Variants in NUDC observed in about 807,000 individuals in gnomAD.
The protein encoded by NUDC is nuclear distribution C, dynein complex regulator, also known as nuclear migration protein nudC.
A neutral mutation model predicts 45.0 loss-of-function variants in NUDC; 14 were observed. The ratio of observed to expected loss-of-function variants is 0.31; its 90% CI spans 0.21 to 0.49. The LOEUF (loss-of-function observed/expected upper bound fraction) is 0.49, where lower values mean the gene tolerates loss of function less well. NUDC is among the 20% of genes least tolerant of loss of function. NUDC has a pLI of 0.99. For synonymous variants in NUDC, 153 were observed against 156.7 expected, an observed-to-expected ratio of 0.98 and a Z score of 0.17; for missense variants, 323 against 426.2, an observed-to-expected ratio of 0.76 and a Z score of 2.13.
intron 6 of NUDC, 47 bp downstream of exon 6, chr1:26,943,112 A>G (rs1179295944): frequency 6.3e-7 from 1 of 1,598,012 alleles, no homozygotes; most frequent in Admixed American, 1.7e-5. Flanking sequence ...ATGGAAGTAG[A>G]AGGGAGGATG....
At chr1:26,934,198 C>G (rs1326533304) in intron 2 of NUDC, among the ~76,000 whole-genome samples, 1 of 152,226 alleles carries the variant, frequency 6.6e-6, no homozygotes, top group Non-Finnish European at 1.5e-5. Context: ...TCTGCATGAC[C>G]GGGGAGGCCT....
At position 26,945,671 on chromosome 1, in the gene NUDC, A is replaced by G. The variant is rs751494003; in HGVS notation, c.929A>G (p.Gln310Arg). The stretch of plus-strand genomic sequence containing the variant: ...CCAACTTCAGACGAACAGAAGAAAC[A>G]GGAGATTCTGAAGAAGTGAGCAATT... ...GLPTSDEQKK[Q>R]EILKKFMDQH... Residue 310 changes from glutamine to arginine, a missense_variant, in exon 8 of 9, where the codon CAG becomes CGG. This residue lies in a region of NUDC where 54 missense variants were observed against 100.2 expected (regional missense o/e 0.54). Coordinates refer to ENST00000321265, the MANE Select transcript of NUDC (RefSeq NM_006600.4). The G allele has an allele frequency of 2.5e-6, 4 of 1,613,544 alleles. No homozygotes were observed. In the African/African-American group the frequency reaches 5.3e-5, roughly 22 times the overall value.
intron 2 of NUDC, among the ~76,000 whole-genome samples, chr1:26,926,582 G>T (rs1016883970): frequency 1.3e-5 from 2 of 151,934 alleles, no homozygotes; most frequent in African/African-American, 4.8e-5. Context: ...TAGCTTTTGG[G>T]ACTAGTCATT....
rs771244419 is a variant in NUDC at position 26,900,238 on chromosome 1, T to C, written c.-263T>C. On this transcript the variant is annotated 5_prime_UTR_variant, in exon 1 of 7. Transcript: ENST00000435827. The stretch of plus-strand genomic sequence containing the variant: ...AGCTGGCCCTCAGCGGCTGGGTCGG[T>C]AGGAATTAGGGCAGAGTTAGGAGCG... The C allele has an allele frequency of 1.9e-6, 3 of 1,613,476 alleles. No individual in the cohort carries two copies. Among genetic ancestry groups the C allele is most frequent in the African/African-American group, 2.7e-5 (2 of 74,668 alleles).
intron 2 of NUDC, chr1:26,929,669 G>A: frequency 4.9e-6 from 2 of 404,836 alleles, no homozygotes; most frequent in Non-Finnish European, 1.0e-5. Flanking sequence ...TATAATTGAA[G>A]GCATATTTTT....
intron 2 of NUDC, among the ~76,000 whole-genome samples, chr1:26,909,931 A>G (rs1283055285): frequency 6.6e-6 from 1 of 152,016 alleles, no homozygotes; most frequent in Non-Finnish European, 1.5e-5. Flanking sequence ...AGGGACATTG[A>G]AGTCACCAGG....
At chr1:26,934,663 T>TG (rs1487939048) in intron 2 of NUDC, among the ~76,000 whole-genome samples, 1 of 123,500 alleles carries the variant, frequency 8.1e-6, no homozygotes, top group Non-Finnish European at 1.7e-5. Flanking sequence ...AGGACAGAGG[T>TG]TTTTTTTTTT....
intron 8 of NUDC, 146 bp downstream of exon 8, chr1:26,945,832 C>A: frequency 1.3e-6 from 1 of 785,674 alleles, no homozygotes; most frequent in Non-Finnish European, 2.3e-6. Flanking sequence ...CTTTGGCTTG[C>A]CTACTCTTGT....
Position 26,900,401 on chromosome 1 carries a change from G to T in NUDC, c.-101+1G>T, listed in dbSNP as rs770909448. On this transcript the variant is annotated splice_donor_variant, in intron 1 of 6. Transcript: ENST00000435827. LOFTEE classifies it low-confidence loss of function (5UTR_SPLICE). ...CGGAGGGGATACCGCTCACTACCAG[G>T]TAAACTGTCGCCTCCTCCTCCGCCT... 2 of 1,612,698 alleles carry T rather than the reference G, an allele frequency of 1.2e-6. No individual in the cohort carries two copies. Among genetic ancestry groups the T allele is most frequent in the Non-Finnish European group, 1.7e-6 (2 of 1,179,042 alleles).
chr1:26,937,366 G>A lies in NUDC; in HGVS notation c.160-4091G>A, dbSNP rs200374157. Among the ~76,000 whole-genome samples the A allele has an allele frequency of 1.2e-4, 18 of 152,206 alleles. No individual in the cohort carries two copies. In the East Asian group the frequency reaches 3.3e-3, roughly 28 times the overall value. On this transcript the variant is annotated intron_variant, in intron 2 of 8. Transcript: ENST00000321265. ...TAACCTTCAGTTCACAGCAACCTCC[G>A]GCTCCCAGGCTCAAGCAGTCCTTCC... is the stretch of plus-strand genomic sequence containing the variant.
chr1:26,904,985 C>T (rs1302832938), intron 2 of NUDC, among the ~76,000 whole-genome samples: 2 of 146,308 alleles, frequency 1.4e-5, no homozygotes, highest in Middle Eastern at 3.6e-3. Flanking sequence ...TACAGGCATG[C>T]GCCACCACGC....
At chr1:26,934,705 G>T (rs1479486157) in intron 2 of NUDC, among the ~76,000 whole-genome samples, 1 of 151,582 alleles carries the variant, frequency 6.6e-6, no homozygotes, top group Non-Finnish European at 1.5e-5. Context: ...TGTCGCCCGG[G>T]CTGGAGTGCA....
At chr1:26,905,137 C>CTATTAT (rs1298871467) in intron 2 of NUDC, among the ~76,000 whole-genome samples, 22 of 123,734 alleles carry the variant, frequency 1.8e-4, no homozygotes, top group African/African-American at 3.9e-4. Flanking sequence ...TGAGCCTGGC[C>CTATTAT]TATTATTATT....
At chr1:26,921,706 C>G, upstream of NUDC, 2 of 878,198 alleles carry the variant, frequency 2.3e-6, no homozygotes, top group Admixed American at 4.2e-5. Flanking sequence ...GGAGGCGGGC[C>G]TGGGCAGCCG....
chr1:26,941,563 C>T lies in NUDC; in HGVS notation c.266C>T (p.Ala89Val). ...CGGCGGGAGAAGGCGGAGCGGGCGGCCAGACTGGCCAAGGAAGCCAAGTCA... is the reference window on the plus strand; with the variant it reads ...CGGCGGGAGAAGGCGGAGCGGGCGGTCAGACTGGCCAAGGAAGCCAAGTCA... Reference protein sequence around the residue: ...AERREKAERAARLAKEAKSET... With the variant: ...AERREKAERAVRLAKEAKSET... Residue 89 changes from alanine (A) to valine (V), a missense_variant, in exon 3 of 9, where the codon GCC becomes GTC. Ala to Val is a moderately conservative substitution (Grantham distance 64). Coordinates refer to ENST00000321265, the MANE Select transcript of NUDC (RefSeq NM_006600.4). 6.2e-7 allele frequency: 1 copy of T among 1,611,118 alleles called. No homozygotes were observed. Among genetic ancestry groups the T allele is most frequent in the East Asian group, 2.2e-5 (1 of 44,728 alleles).
intron 6 of NUDC, among the ~76,000 whole-genome samples, chr1:26,944,935 G>A (rs1239451260): frequency 1.3e-5 from 2 of 152,092 alleles, no homozygotes; most frequent in African/African-American, 4.8e-5. Flanking sequence ...CCAGTTACTC[G>A]GGAGGCTGAG....
chr1:26,918,743 T>G (rs985018750), upstream of NUDC, among the ~76,000 whole-genome samples: 1 of 151,168 alleles, frequency 6.6e-6, no homozygotes, highest in Non-Finnish European at 1.5e-5. Context: ...CCTGGCTAAG[T>G]TTTTGTATTT....
chr1:26,943,169 T>A, intron 6 of NUDC, 104 bp downstream of exon 6: 10 of 1,149,198 alleles, frequency 8.7e-6, no homozygotes, highest in African/African-American at 1.5e-5. Context: ...TGTGGGATTA[T>A]CTTAATCCCC....
At chr1:26,936,134 AAT>A (rs1215586103) in intron 2 of NUDC, among the ~76,000 whole-genome samples, 129 of 6,806 alleles carry the variant, frequency 0.019, 4 homozygotes, top group African/African-American at 0.027. Flanking sequence ...ACGCCCGGCT[AAT>A]ATATATATAT....
Sources: gnomAD v4.1 joint callset for allele counts (sites outside exome capture counted in the v4.1 genomes callset) on GRCh38, gnomAD v4.1.1 for gene constraint, gnomAD v4.1.1 regional missense constraint, MANE v1.5 for transcripts, NCBI Gene and HGNC (gene_info 2026-07-23, HGNC 2026-07-21) for gene names.